Variants in DCX observed in about 807,000 individuals in gnomAD.
DCX encodes the protein doublecortin.
In DCX, 4 loss-of-function variants were observed where a neutral mutation model predicts 20.9. That is an observed-to-expected ratio of 0.19 (90% CI 0.09 to 0.44). The LOEUF (loss-of-function observed/expected upper bound fraction) is 0.44. DCX is among the 20% of genes least tolerant of loss of function. DCX has a pLI of 0.99. For missense variants in DCX, 133 were observed against 296.9 expected, an observed-to-expected ratio of 0.45 and a Z score of 4.06; for synonymous variants, 103 against 111.4, an observed-to-expected ratio of 0.92 and a Z score of 0.47.
intron 3 of DCX, among the ~76,000 whole-genome samples, chrX:111,382,739 ACT>A (rs1449903689): frequency 3.6e-5 from 4 of 111,483 alleles, no homozygotes; most frequent in Non-Finnish European, 7.5e-5. Context: ...GAAGTGATAA[ACT>A]CTCTGGCATT....
chrX:111,344,992 T>C (rs1467815216), intron 3 of DCX, among the ~76,000 whole-genome samples: 1 of 111,950 alleles, frequency 8.9e-6, no homozygotes, highest in African/African-American at 3.2e-5. Context: ...CTTCAAACTA[T>C]ACTAGAAGGC....
At chrX:111,363,189 G>T (rs1314813064) in intron 3 of DCX, among the ~76,000 whole-genome samples, 1 of 110,822 alleles carries the variant, frequency 9.0e-6, no homozygotes, top group African/African-American at 3.3e-5. Flanking sequence ...CTAAACTCAG[G>T]CTAAGGGACA....
chrX:111,345,576 T>C (rs1323653449), intron 3 of DCX, among the ~76,000 whole-genome samples: 2 of 111,106 alleles, frequency 1.8e-5, no homozygotes. Context: ...CATGAAAAAG[T>C]GGGCAAAGGA....
In DCX at chrX:111,323,985, A is replaced by T. The variant is rs1230774035; in HGVS notation, c.946+6919T>A. On this transcript the variant is annotated intron_variant, in intron 5 of 6. Coordinates refer to ENST00000636035, the MANE Select transcript of DCX (RefSeq NM_001195553.2). ...CAACAGCACACAGTGGGTATGCAGG[A>T]TTAATGAGTGGGAAGTCAAAAATAG... Among the ~76,000 whole-genome samples the T allele has an allele frequency of 2.7e-5, 3 of 111,912 alleles. No homozygotes were observed. In the Admixed American group the frequency reaches 2.9e-4, roughly 11 times the overall value.
intron 2 of DCX, among the ~76,000 whole-genome samples, chrX:111,403,856 G>A (rs1401173870): frequency 1.8e-5 from 2 of 110,500 alleles, no homozygotes; most frequent in Admixed American, 2.0e-4. Context: ...GAGCAGCCTG[G>A]ACAACATGGT....
At chrX:111,334,177 T>C (rs1301146031) in intron 3 of DCX, among the ~76,000 whole-genome samples, 1 of 112,045 alleles carries the variant, frequency 8.9e-6, no homozygotes, top group Non-Finnish European at 1.9e-5. Context: ...TTTATATTAA[T>C]AACATCACCC....
chrX:111,370,406 C>T (rs776339554), intron 3 of DCX, among the ~76,000 whole-genome samples: 1 of 111,575 alleles, frequency 9.0e-6, no homozygotes, highest in South Asian at 3.7e-4. Context: ...TTAGACCTCA[C>T]CTCAGACTTA....
chrX:111,391,520 C>G (rs1484764280), intron 3 of DCX, among the ~76,000 whole-genome samples: 4 of 111,371 alleles, frequency 3.6e-5, no homozygotes, highest in Admixed American at 1.9e-4. Flanking sequence ...TCTGCTGTGT[C>G]TGCCCGGCAC....
intron 3 of DCX, among the ~76,000 whole-genome samples, chrX:111,386,930 T>A (rs1369025697): frequency 2.7e-5 from 3 of 111,506 alleles, no homozygotes; most frequent in African/African-American, 9.8e-5. Flanking sequence ...TGCCGACTAT[T>A]GACAGCGTTT....
At chrX:111,378,390 A>T (rs1270962562) in intron 3 of DCX, among the ~76,000 whole-genome samples, 16 of 111,671 alleles carry the variant, frequency 1.4e-4, no homozygotes, top group Non-Finnish European at 7.5e-5. Context: ...CTAATTTAGC[A>T]GGTCTGGGGC....
In DCX at chrX:111,346,084, G is replaced by T. The variant is rs1466131048; in HGVS notation, c.706-12931C>A. Reference sequence around the variant, plus strand: ...ATATCCCTTGCCCACTTTTTCATGGGTTTTTTTTTTTCTTGTAAATTTGTT... The same window carrying T: ...ATATCCCTTGCCCACTTTTTCATGGTTTTTTTTTTTTCTTGTAAATTTGTT... On this transcript the variant is annotated intron_variant, in intron 3 of 6. Coordinates refer to ENST00000636035, the MANE Select transcript of DCX (RefSeq NM_001195553.2). Among the ~76,000 whole-genome samples, 157 of 103,511 alleles carry T rather than the reference G, an allele frequency of 1.5e-3. No homozygotes were observed. The Middle Eastern group carries it at 0.019, about 13-fold the overall frequency. The allele number at this position is 103,511 out of a possible 115,157, so 89.9% of individuals were successfully genotyped here. A position where few individuals can be genotyped will look rare whatever the true frequency, so the allele number is the denominator to read the frequency against.
chrX:111,360,839 G>C (rs771463677), intron 3 of DCX, among the ~76,000 whole-genome samples: 1 of 112,260 alleles, frequency 8.9e-6, no homozygotes, highest in South Asian at 3.7e-4. Flanking sequence ...CAGGAAAATA[G>C]AGATTATGTG....
At chrX:111,312,510 G>A in intron 6 of DCX, 129 bp downstream of exon 6, 2 of 596,027 alleles carry the variant, frequency 3.4e-6, no homozygotes, top group Non-Finnish European at 5.5e-6. Context: ...AGAACTTCAA[G>A]CTAATGAAGC....
chrX:111,406,315 C>T (rs767038990), intron 2 of DCX, among the ~76,000 whole-genome samples: 49 of 112,093 alleles, frequency 4.4e-4, no homozygotes, highest in African/African-American at 1.6e-3. Flanking sequence ...TGAAAGGCAG[C>T]CGGGTTTGGA....
At chrX:111,384,640 G>T (rs762720784) in intron 3 of DCX, among the ~76,000 whole-genome samples, 1 of 111,886 alleles carries the variant, frequency 8.9e-6, no homozygotes, top group East Asian at 2.8e-4. Flanking sequence ...ATCACAGTCA[G>T]CTATTAATGG....
At chrX:111,316,637 A>G (rs901142798) in intron 5 of DCX, among the ~76,000 whole-genome samples, 4 of 111,678 alleles carry the variant, frequency 3.6e-5, no homozygotes, top group Non-Finnish European at 7.5e-5. Flanking sequence ...AAGTCAAACT[A>G]TCTCTGTAGG....
chrX:111,357,494 C>T (rs1363437071), intron 3 of DCX, among the ~76,000 whole-genome samples: 3 of 112,028 alleles, frequency 2.7e-5, no homozygotes, highest in Non-Finnish European at 5.6e-5. Flanking sequence ...AATTGGAGTT[C>T]TGTCCCAGCA....
At chrX:111,355,942 G>A (rs577046068) in intron 3 of DCX, among the ~76,000 whole-genome samples, 18 of 111,823 alleles carry the variant, frequency 1.6e-4, no homozygotes, top group African/African-American at 5.5e-4. Context: ...ACTGTTGAAA[G>A]GTCCGAGTGA....
chrX:111,352,843 G>C (rs1603418344), intron 3 of DCX, among the ~76,000 whole-genome samples: 1 of 102,023 alleles, frequency 9.8e-6, no homozygotes, highest in African/African-American at 3.8e-5. Flanking sequence ...CAGACAGAGA[G>C]AGAGAGAGAG....
Sources: allele counts gnomAD v4.1 joint callset (sites outside exome capture counted in the v4.1 genomes callset), GRCh38; gene constraint gnomAD v4.1.1; transcripts MANE v1.5; gene names NCBI Gene and HGNC (gene_info 2026-07-23, HGNC 2026-07-21).